The following NCALD variants were observed in gnomAD, a reference collection of about 807,000 sequenced individuals.
The protein encoded by NCALD is neurocalcin delta.
Under a neutral mutation model 18.6 loss-of-function variants are expected in NCALD, and 10 were observed. That is an observed-to-expected ratio of 0.54 (90% CI 0.33 to 0.91). The LOEUF (loss-of-function observed/expected upper bound fraction) is 0.91. Among genes scored for constraint, NCALD ranks in the 40% least tolerant of loss-of-function variants. The pLI is 0.03. For missense variants in NCALD, 184 were observed against 247.6 expected, an observed-to-expected ratio of 0.74 and a Z score of 1.72; for synonymous variants, 88 against 87.4, an observed-to-expected ratio of 1.01 and a Z score of -0.04.
At chr8:102,070,776 C>CA (rs1396038875) in intron 1 of NCALD, among the ~76,000 whole-genome samples, 2 of 152,180 alleles carry the variant, frequency 1.3e-5, no homozygotes, top group Non-Finnish European at 2.9e-5. Context: ...AGCTCATGGG[C>CA]AGCCAGTTCA....
intron 2 of NCALD, among the ~76,000 whole-genome samples, chr8:101,944,252 A>C (rs533990211): frequency 2.3e-4 from 35 of 152,246 alleles, no homozygotes; most frequent in African/African-American, 8.2e-4. Context: ...AGCTAACTGG[A>C]CCAAAGACAG....
At chr8:101,801,233 A>G (rs1812838576) in intron 4 of NCALD, among the ~76,000 whole-genome samples, 1 of 152,190 alleles carries the variant, frequency 6.6e-6, no homozygotes, top group Non-Finnish European at 1.5e-5. Flanking sequence ...AATAGCATCA[A>G]GATAAATTTT....
chr8:101,817,577 A>G (rs974023568), intron 4 of NCALD, among the ~76,000 whole-genome samples: 1 of 15,876 alleles, frequency 6.3e-5, no homozygotes, highest in Non-Finnish European at 2.5e-4. Flanking sequence ...AGCAGCTACC[A>G]AAAAAAAAAG....
intron 1 of NCALD, among the ~76,000 whole-genome samples, chr8:102,026,486 A>C (rs1445947682): frequency 6.6e-6 from 1 of 152,202 alleles, no homozygotes; most frequent in African/African-American, 2.4e-5. Flanking sequence ...TAAAGCTCCA[A>C]AATAATCTCC....
At chr8:101,733,028 T>C (rs1225480476) in intron 1 of NCALD, among the ~76,000 whole-genome samples, 1 of 152,130 alleles carries the variant, frequency 6.6e-6, no homozygotes, top group Admixed American at 6.6e-5. Context: ...GATAAATTCA[T>C]GCAACTCACG....
At chr8:101,832,879 T>A (rs1418050420) in intron 4 of NCALD, among the ~76,000 whole-genome samples, 13 of 152,228 alleles carry the variant, frequency 8.5e-5, no homozygotes, top group Non-Finnish European at 1.9e-4. Flanking sequence ...GAAATTACCA[T>A]GTCAGCCCCT....
intron 1 of NCALD, among the ~76,000 whole-genome samples, chr8:102,023,969 T>C (rs16868893): frequency 0.17 from 25,821 of 152,166 alleles, 3,133 homozygotes; most frequent in African/African-American, 0.34. Context: ...CCTCTTTACA[T>C]GGCAGTTTCA....
At chr8:102,006,522 C>T (rs1563534851) in intron 2 of NCALD, among the ~76,000 whole-genome samples, 2 of 152,284 alleles carry the variant, frequency 1.3e-5, no homozygotes, top group South Asian at 4.1e-4. Context: ...TCTCTGTGCC[C>T]GGGAACAGTA....
chr8:102,015,339 A>G (rs1279207954), intron 2 of NCALD, among the ~76,000 whole-genome samples: 1 of 152,198 alleles, frequency 6.6e-6, no homozygotes, highest in Non-Finnish European at 1.5e-5. Flanking sequence ...CATTGTAGCC[A>G]TGTATTTCCT....
chr8:101,835,976 C>A (rs1814395683), intron 4 of NCALD, among the ~76,000 whole-genome samples: 1 of 152,072 alleles, frequency 6.6e-6, no homozygotes, highest in African/African-American at 2.4e-5. Context: ...CATAAGCTGA[C>A]CTGCTCTAGC....
intron 2 of NCALD, among the ~76,000 whole-genome samples, chr8:101,958,691 G>A (rs183699774): frequency 4.2e-4 from 64 of 152,188 alleles, no homozygotes; most frequent in African/African-American, 1.4e-3. Flanking sequence ...TGAGGACAAG[G>A]AGGCTAAATA....
chr8:101,977,343 T>C (rs1308033469), intron 2 of NCALD, among the ~76,000 whole-genome samples: 1 of 152,146 alleles, frequency 6.6e-6, no homozygotes, highest in Non-Finnish European at 1.5e-5. Flanking sequence ...ACATTCACAC[T>C]CTATGTTTGG....
chr8:101,727,378 T>C (rs1816619321), intron 1 of NCALD, among the ~76,000 whole-genome samples: 1 of 152,234 alleles, frequency 6.6e-6, no homozygotes, highest in South Asian at 2.1e-4. Flanking sequence ...ACTGAAATCT[T>C]ACTTTTCACT....
chr8:102,033,183 G>T (rs1822741382), intron 1 of NCALD, among the ~76,000 whole-genome samples: 1 of 152,070 alleles, frequency 6.6e-6, no homozygotes, highest in East Asian at 1.9e-4. Flanking sequence ...CAAAATAAGT[G>T]CAGCAATTGA....
intron 1 of NCALD, among the ~76,000 whole-genome samples, chr8:101,747,029 AAGC>A (rs1810454875): frequency 6.6e-6 from 1 of 152,158 alleles, no homozygotes; most frequent in Non-Finnish European, 1.5e-5. Context: ...ACTGCCCTCA[AAGC>A]AGCCAACTCT....
At chr8:101,969,631 C>CAA (rs11454016) in intron 2 of NCALD, among the ~76,000 whole-genome samples, 2 of 151,830 alleles carry the variant, frequency 1.3e-5, no homozygotes, top group African/African-American at 2.4e-5. Context: ...TTCTGCCTGG[C>CAA]AAAAAAAGAC....
At chr8:101,957,617 C>A (rs950721159) in intron 2 of NCALD, among the ~76,000 whole-genome samples, 4 of 152,006 alleles carry the variant, frequency 2.6e-5, no homozygotes, top group Non-Finnish European at 5.9e-5. Flanking sequence ...GTGAAAGGGA[C>A]ACAAAGTGAA....
chr8:101,744,432 T>C (rs1453387591), intron 1 of NCALD, among the ~76,000 whole-genome samples: 1 of 152,222 alleles, frequency 6.6e-6, no homozygotes, highest in African/African-American at 2.4e-5. Flanking sequence ...TGGGTGATTA[T>C]CATAGTCAAA....
intron 2 of NCALD, among the ~76,000 whole-genome samples, chr8:101,925,560 A>C (rs2131673758): frequency 6.6e-6 from 1 of 152,098 alleles, no homozygotes; most frequent in Non-Finnish European, 1.5e-5. Flanking sequence ...CGGGTTATGT[A>C]TTTATTTATT....
Sources: gnomAD v4.1 joint callset for allele counts (sites outside exome capture counted in the v4.1 genomes callset) on GRCh38, gnomAD v4.1.1 for gene constraint, MANE v1.5 for transcripts, NCBI Gene and HGNC (gene_info 2026-07-23, HGNC 2026-07-21) for gene names.